Variants in PSD3 observed in about 807,000 individuals in gnomAD.
PSD3 encodes pleckstrin and Sec7 domain containing 3, also known as PH and SEC7 domain-containing protein 3.
PSD3 carries 49 observed loss-of-function variants against 105.5 expected under a neutral mutation model. The ratio of observed to expected loss-of-function variants is 0.46; its 90% CI spans 0.37 to 0.59. The LOEUF (loss-of-function observed/expected upper bound fraction) is 0.59. PSD3 is among the 20% of genes least tolerant of loss of function. The probability of loss-of-function intolerance (pLI) is 0.00; values close to 1 mark genes in which losing one functional copy is unlikely to be tolerated. For missense variants in PSD3, 1,561 were observed against 1,263.8 expected (o/e 1.24, Z -3.57); for synonymous variants, 557 against 457.8 (o/e 1.22, Z -2.77).
At chr8:18,539,221 T>C (rs567014677) in intron 15 of PSD3, among the ~76,000 whole-genome samples, 1 of 152,340 alleles carries the variant, frequency 6.6e-6, no homozygotes, top group South Asian at 2.1e-4. Context: ...ATGTAAATGC[T>C]ATCCAGAGGA....
At position 18,638,328 on chromosome 8, in the gene PSD3, G is replaced by GA. The variant is rs35460545; in HGVS notation, c.2217-5523dup. On this transcript the variant is annotated intron_variant, in intron 10 of 15. Transcript: ENST00000327040. ...AGTTTTAGGCTGAGCAATTAGGCAAGAAAAAAAAAAAAGGAAGTGACTGTC... is the reference window on the plus strand; with the variant it reads ...AGTTTTAGGCTGAGCAATTAGGCAAGAAAAAAAAAAAAAGGAAGTGACTGTC... Among the ~76,000 whole-genome samples, 433 of 142,782 alleles carry GA rather than the reference G, an allele frequency of 3.0e-3. 1 individual carries two copies. Among genetic ancestry groups the GA allele is most frequent in the Non-Finnish European group, 4.5e-3 (289 of 64,656 alleles). The allele number at this position is 142,782 out of a possible 152,430, so 93.7% of individuals were successfully genotyped here.
chr8:18,764,161 C>G (rs1407717068), intron 9 of PSD3, among the ~76,000 whole-genome samples: 2 of 152,138 alleles, frequency 1.3e-5, no homozygotes, highest in East Asian at 3.8e-4. Context: ...TGAAAATTTT[C>G]CTGTCAACTT....
At chr8:18,629,047 G>T (rs1207279867) in intron 11 of PSD3, among the ~76,000 whole-genome samples, 6 of 151,896 alleles carry the variant, frequency 4.0e-5, no homozygotes, top group Admixed American at 1.3e-4. Context: ...CCATATAATA[G>T]AAAGCAATTT....
At chr8:18,836,863 G>C (rs1317045097) in intron 4 of PSD3, among the ~76,000 whole-genome samples, 2 of 151,538 alleles carry the variant, frequency 1.3e-5, no homozygotes, top group African/African-American at 4.9e-5. Context: ...CAATATTTTT[G>C]ATCCACAGTT....
chr8:18,553,181 GGACTTGT>G (rs1346277927), intron 15 of PSD3, among the ~76,000 whole-genome samples: 1 of 152,184 alleles, frequency 6.6e-6, no homozygotes, highest in Admixed American at 6.5e-5. Flanking sequence ...TCCTTACCAA[GGACTTGT>G]GAAAATGGTA....
upstream of PSD3, chr8:19,014,317 A>T (rs1217902721): frequency 6.6e-6 from 1 of 152,076 alleles, no homozygotes; most frequent in Non-Finnish European, 1.5e-5. The surrounding 1 kb of genome is among the most constrained non-coding windows in gnomAD (Gnocchi z 4.9). Flanking sequence ...CGAGCCCTGA[A>T]AGGGCCATTT....
At chr8:18,649,081 C>T (rs1808274923) in intron 10 of PSD3, among the ~76,000 whole-genome samples, 1 of 152,188 alleles carries the variant, frequency 6.6e-6, no homozygotes, top group South Asian at 2.1e-4. Context: ...GGTTGGTGCC[C>T]CAACAAAGAG....
intron 9 of PSD3, among the ~76,000 whole-genome samples, chr8:18,690,666 T>C (rs947174720): frequency 3.3e-5 from 5 of 152,158 alleles, no homozygotes; most frequent in African/African-American, 1.2e-4. Context: ...ACCTACCACC[T>C]TGATGGACAC....
intron 8 of PSD3, among the ~76,000 whole-genome samples, chr8:18,791,902 A>G (rs1809756329): frequency 6.6e-6 from 1 of 152,228 alleles, no homozygotes; most frequent in African/African-American, 2.4e-5. Flanking sequence ...CACATTAAAA[A>G]GTGGGCAAAG....
At chr8:18,737,910 T>C (rs1165732643) in intron 9 of PSD3, among the ~76,000 whole-genome samples, 1 of 152,172 alleles carries the variant, frequency 6.6e-6, no homozygotes, top group Non-Finnish European at 1.5e-5. Context: ...CAGATCCTTA[T>C]CACACAGGCA....
intron 3 of PSD3, among the ~76,000 whole-genome samples, chr8:18,869,794 T>C (rs1278566263): frequency 6.6e-6 from 1 of 152,216 alleles, no homozygotes; most frequent in Non-Finnish European, 1.5e-5. Context: ...TCACAGAACC[T>C]AGCACACTTT....
chr8:18,577,981 T>C (rs1004358614), intron 12 of PSD3, among the ~76,000 whole-genome samples: 2 of 152,100 alleles, frequency 1.3e-5, no homozygotes, highest in Admixed American at 1.3e-4. Context: ...CTCAAGTATC[T>C]TTCATTTCTT....
At chr8:18,757,598 A>T (rs1265021240) in intron 9 of PSD3, among the ~76,000 whole-genome samples, 1 of 152,238 alleles carries the variant, frequency 6.6e-6, no homozygotes, top group African/African-American at 2.4e-5. Context: ...TCTAATAGGA[A>T]GCTCTAAATA....
At chr8:18,990,583 C>A (rs1825737614) in intron 1 of PSD3, among the ~76,000 whole-genome samples, 1 of 152,190 alleles carries the variant, frequency 6.6e-6, no homozygotes, top group South Asian at 2.1e-4. Flanking sequence ...CCCTCATTCT[C>A]ACTCCATGTG....
At chr8:18,614,912 A>G (rs1222697825) in intron 11 of PSD3, among the ~76,000 whole-genome samples, 1 of 152,090 alleles carries the variant, frequency 6.6e-6, no homozygotes, top group African/African-American at 2.4e-5. Context: ...TTGAAATTAC[A>G]GGTGTGAACC....
chr8:18,775,247 A>C (rs1028913824), intron 8 of PSD3, among the ~76,000 whole-genome samples: 2 of 152,308 alleles, frequency 1.3e-5, no homozygotes. Context: ...CACATTTTCT[A>C]TATCCATTCA....
At chr8:18,903,364 G>A (rs1819635245) in intron 2 of PSD3, among the ~76,000 whole-genome samples, 1 of 152,138 alleles carries the variant, frequency 6.6e-6, no homozygotes, top group Non-Finnish European at 1.5e-5. Flanking sequence ...CCTCTGTGAG[G>A]CCAGGTGCAG....
chr8:19,017,600 T>C (rs185338284), upstream of PSD3, among the ~76,000 whole-genome samples: 3 of 152,312 alleles, frequency 2.0e-5, no homozygotes, highest in African/African-American at 7.2e-5. Context: ...AAACACTAAT[T>C]TACTTTCTGT....
chr8:18,561,683 T>A (rs1226243873), intron 14 of PSD3, among the ~76,000 whole-genome samples: 2 of 152,190 alleles, frequency 1.3e-5, no homozygotes, highest in African/African-American at 4.8e-5. Context: ...ATATGGTCAA[T>A]TAAAATTGTT....
Sources: allele counts gnomAD v4.1 joint callset (sites outside exome capture counted in the v4.1 genomes callset), GRCh38; gene constraint gnomAD v4.1.1; non-coding constraint Gnocchi (gnomAD v3.1); transcripts MANE v1.5; gene names NCBI Gene and HGNC (gene_info 2026-07-23, HGNC 2026-07-21).